DPP6: variants seen among roughly 807,000 people sequenced by gnomAD.
DPP6 encodes the protein A-type potassium channel modulatory protein DPP6.
In DPP6, 69 loss-of-function variants were observed where a neutral mutation model predicts 122.6. That is an observed-to-expected ratio of 0.56 (90% CI 0.46 to 0.69). The LOEUF (loss-of-function observed/expected upper bound fraction) is 0.69, where lower values mean the gene tolerates loss of function less well. Among genes scored for constraint, DPP6 ranks in the 30% least tolerant of loss-of-function variants. The pLI is 0.00. For synonymous variants in DPP6, 418 were observed against 433.1 expected (o/e 0.97, Z 0.43); for missense variants, 928 against 1,116.9 (o/e 0.83, Z 2.41).
intron 1 of DPP6, among the ~76,000 whole-genome samples, chr7:154,009,371 C>T (rs967851579): frequency 2.5e-5 from 3 of 119,696 alleles, no homozygotes; most frequent in Non-Finnish European, 5.0e-5. Flanking sequence ...GTAAGGCAAA[C>T]AGGGTTTAGC....
chr7:154,769,105 G>A (rs192274673), intron 8 of DPP6, among the ~76,000 whole-genome samples: 6 of 152,164 alleles, frequency 3.9e-5, no homozygotes, highest in South Asian at 2.1e-4. Context: ...TCAAAAGGAC[G>A]TGTTGGGCTC....
At chr7:154,603,877 A>G (rs1044712988) in intron 5 of DPP6, among the ~76,000 whole-genome samples, 1 of 118,704 alleles carries the variant, frequency 8.4e-6, no homozygotes, top group Non-Finnish European at 1.9e-5. Flanking sequence ...TAGGGTTAGA[A>G]TGTAATGATT....
At chr7:153,951,348 C>T (rs539450608) in intron 1 of DPP6, among the ~76,000 whole-genome samples, 20 of 152,162 alleles carry the variant, frequency 1.3e-4, no homozygotes, top group Admixed American at 1.3e-3. Flanking sequence ...CTGACCTGCT[C>T]CTGTTTCAGC....
intron 16 of DPP6, among the ~76,000 whole-genome samples, chr7:154,846,902 T>A (rs1801985767): frequency 6.6e-6 from 1 of 152,208 alleles, no homozygotes; most frequent in African/African-American, 2.4e-5. Flanking sequence ...CCCATGTCGA[T>A]AGGTGTAGAT....
intron 8 of DPP6, among the ~76,000 whole-genome samples, chr7:154,765,531 G>A (rs1253556124): frequency 6.6e-6 from 1 of 152,242 alleles, no homozygotes; most frequent in South Asian, 2.1e-4. Context: ...TACTGGATAT[G>A]ACCTTAATGC....
intron 8 of DPP6, among the ~76,000 whole-genome samples, chr7:154,767,986 T>C (rs10269042): frequency 0.25 from 38,767 of 152,132 alleles, 5,269 homozygotes; most frequent in Non-Finnish European, 0.29. Flanking sequence ...ATCAGTGCCA[T>C]GCCAGATGCC....
At chr7:153,916,557 C>T (rs969692202) in intron 1 of DPP6, among the ~76,000 whole-genome samples, 1 of 151,704 alleles carries the variant, frequency 6.6e-6, no homozygotes, top group East Asian at 1.9e-4. Context: ...TACAGGTGCC[C>T]ACCATCACGC....
At chr7:153,871,054 G>T in the DPP6 span, among the ~76,000 whole-genome samples, 1 of 152,166 alleles carries the variant, frequency 6.6e-6, no homozygotes, top group African/African-American at 2.4e-5. Flanking sequence ...GTGTCAGTCT[G>T]CCCCTCCTAG....
intron 1 of DPP6, among the ~76,000 whole-genome samples, chr7:154,284,189 A>C (rs1804705330): frequency 6.6e-6 from 1 of 152,144 alleles, no homozygotes; most frequent in Admixed American, 6.6e-5. Flanking sequence ...GGGGACTGTG[A>C]GATGCCTGTG....
chr7:154,387,252 T>A (rs940571867), intron 1 of DPP6, among the ~76,000 whole-genome samples: 3 of 152,172 alleles, frequency 2.0e-5, no homozygotes, highest in African/African-American at 7.2e-5. Flanking sequence ...GAAGGCTTTC[T>A]TGATATGTGC....
chr7:154,664,001 G>A (rs143748265), intron 6 of DPP6, among the ~76,000 whole-genome samples: 1,160 of 94,902 alleles, frequency 0.012, 184 homozygotes, highest in African/African-American at 0.034. Context: ...TCACCATAGC[G>A]TATTGGCCAT....
intron 1 of DPP6, among the ~76,000 whole-genome samples, chr7:153,910,234 C>CTTTTTTCTTTCTTTTT (rs750065238): frequency 4.6e-4 from 64 of 137,750 alleles, no homozygotes; most frequent in Admixed American, 2.2e-4. Flanking sequence ...TTCTTTCTTT[C>CTTTTTTCTTTCTTTTT]TTTTTTTTTT....
At chr7:154,835,060 G>A (rs971116173) in intron 16 of DPP6, among the ~76,000 whole-genome samples, 3 of 152,232 alleles carry the variant, frequency 2.0e-5, no homozygotes, top group Admixed American at 6.5e-5. Flanking sequence ...CCTTAGAGCA[G>A]TGGACCCTAA....
At chr7:154,364,383 G>A (rs114836946) in intron 1 of DPP6, among the ~76,000 whole-genome samples, 11 of 152,270 alleles carry the variant, frequency 7.2e-5, no homozygotes, top group Admixed American at 2.0e-4. Context: ...TGGAGAAACC[G>A]ACCTGCCAGC....
intron 3 of DPP6, among the ~76,000 whole-genome samples, chr7:154,509,523 G>T (rs1825900662): frequency 6.6e-6 from 1 of 152,188 alleles, no homozygotes; most frequent in Non-Finnish European, 1.5e-5. Flanking sequence ...ACGTCCTGCT[G>T]GTGGTAATGG....
At chr7:154,170,769 C>T (rs562096619) in intron 1 of DPP6, among the ~76,000 whole-genome samples, 12 of 152,328 alleles carry the variant, frequency 7.9e-5, no homozygotes, top group African/African-American at 2.9e-4. Flanking sequence ...GAACATACTA[C>T]ATTTTTTTCT....
rs66696957 is a variant in DPP6 at position 154,180,563 on chromosome 7, A to AAT, written c.243+127513_243+127514dup. ...TATGTTTACGTATATATTTAGAGAG[A>AAT]ATATATATATATATTCGAGTTTATA... On this transcript the variant is annotated intron_variant, in intron 1 of 25. Coordinates refer to ENST00000377770, the MANE Select transcript of DPP6 (RefSeq NM_130797.4). Among the ~76,000 whole-genome samples, 227 of 146,356 alleles carry AAT rather than the reference A, an allele frequency of 1.6e-3. 1 individual carries two copies. Among genetic ancestry groups the AAT allele is most frequent in the Non-Finnish European group, 2.1e-3 (139 of 66,914 alleles).
intron 3 of DPP6, 37 bp from the exon 4 acceptor site, chr7:154,540,495 T>C (rs1369206848): frequency 7.8e-7 from 1 of 1,278,394 alleles, no homozygotes; most frequent in Admixed American, 1.8e-5. Flanking sequence ...AGTTCCTTGA[T>C]GTTTCATGTG....
At chr7:153,779,998 G>C in the DPP6 span, among the ~76,000 whole-genome samples, 1 of 151,532 alleles carries the variant, frequency 6.6e-6, no homozygotes, top group East Asian at 1.9e-4. Flanking sequence ...ATGCCAGTTG[G>C]GGTAATGTCT....
Sources: gnomAD v4.1 joint callset for allele counts (sites outside exome capture counted in the v4.1 genomes callset) on GRCh38, gnomAD v4.1.1 for gene constraint, MANE v1.5 for transcripts, NCBI Gene and HGNC (gene_info 2026-07-23, HGNC 2026-07-21) for gene names.